PSME4: variants seen among roughly 807,000 people sequenced by gnomAD.
PSME4 encodes proteasome activator subunit 4, also known as proteasome activator complex subunit 4.
Under a neutral mutation model 253.9 loss-of-function variants are expected in PSME4, and 89 were observed. That is an observed-to-expected ratio of 0.35 (90% CI 0.30 to 0.42). The LOEUF is 0.42. PSME4 is among the 10% of genes least tolerant of loss of function. The pLI is 1.00. For synonymous variants in PSME4, 851 were observed against 759.2 expected (o/e 1.12, Z -1.99); for missense variants, 2,014 against 2,195.2 (o/e 0.92, Z 1.65).
At chr2:53,876,654 G>T (rs1679136139) in intron 41 of PSME4, among the ~76,000 whole-genome samples, 1 of 147,258 alleles carries the variant, frequency 6.8e-6, no homozygotes, top group Non-Finnish European at 1.5e-5. Context: ...AAGTAGATAA[G>T]AATTTTTAAA....
rs1668188339 is a variant in PSME4, at chr2:53,919,135, A to G, written c.2516+16T>C. ...TTAAAATATATGTTAAGTGGAAAAC[A>G]GTTATTTTTACTTACAAGTTAGTAA... is the stretch of plus-strand genomic sequence containing the variant. On this transcript the variant is annotated intron_variant, in intron 20 of 46. Coordinates refer to ENST00000404125, the MANE Select transcript of PSME4 (RefSeq NM_014614.3). The G allele has an allele frequency of 1.2e-6, 2 of 1,601,400 alleles. No individual in the cohort carries two copies. Among genetic ancestry groups the G allele is most frequent in the South Asian group, 1.1e-5 (1 of 88,496 alleles).
intron 20 of PSME4, among the ~76,000 whole-genome samples, chr2:53,918,211 A>T (rs1668143592): frequency 1.3e-5 from 2 of 152,156 alleles, no homozygotes; most frequent in Non-Finnish European, 2.9e-5. Flanking sequence ...ACTCATTTGA[A>T]TGTGATTTAC....
intron 29 of PSME4, 102 bp downstream of exon 29, chr2:53,899,779 C>A (rs1485205384): frequency 2.4e-5 from 33 of 1,394,838 alleles, no homozygotes; most frequent in Non-Finnish European, 2.7e-5. Flanking sequence ...GATCGTCTCA[C>A]TGTACTCCAG....
intron 1 of PSME4, among the ~76,000 whole-genome samples, chr2:53,966,152 G>A (rs1281390433): frequency 6.6e-6 from 1 of 152,032 alleles, no homozygotes; most frequent in Non-Finnish European, 1.5e-5. Flanking sequence ...AAGTGTGGTG[G>A]TACTCACCTG....
chr2:53,868,288 T>C (rs987348760), intron 44 of PSME4, among the ~76,000 whole-genome samples: 1 of 150,946 alleles, frequency 6.6e-6, no homozygotes, highest in Non-Finnish European at 1.5e-5. Flanking sequence ...GAAACTCTAC[T>C]AAAAATACAA....
At chr2:53,876,300 T>C (rs1489235562) in intron 41 of PSME4, among the ~76,000 whole-genome samples, 1 of 152,216 alleles carries the variant, frequency 6.6e-6, no homozygotes, top group Non-Finnish European at 1.5e-5. Context: ...CTGTATTTTT[T>C]TTCCTCAGGG....
intron 27 of PSME4, among the ~76,000 whole-genome samples, chr2:53,902,466 T>C (rs1041545586): frequency 6.6e-6 from 1 of 152,226 alleles, no homozygotes; most frequent in Admixed American, 6.5e-5. Context: ...GATTCCAATC[T>C]AGCTTATTAC....
intron 4 of PSME4, among the ~76,000 whole-genome samples, chr2:53,938,355 CTG>C (rs1156416019): frequency 6.6e-6 from 1 of 152,090 alleles, no homozygotes; most frequent in African/African-American, 2.4e-5. Context: ...TATTCCATAA[CTG>C]TATGATATGG....
intron 3 of PSME4, among the ~76,000 whole-genome samples, chr2:53,945,637 G>A (rs1039449259): frequency 6.6e-6 from 1 of 152,162 alleles, no homozygotes; most frequent in Non-Finnish European, 1.5e-5. Flanking sequence ...AAATCATGTT[G>A]AAACACATGC....
intron 8 of PSME4, 51 bp from the exon 9 acceptor site, chr2:53,932,811 A>G: frequency 7.3e-7 from 1 of 1,375,114 alleles, no homozygotes; most frequent in South Asian, 1.2e-5. Context: ...TACTGTAAAA[A>G]CAGAGGTCAA....
chr2:53,868,166 G>A (rs1167232500), intron 44 of PSME4, among the ~76,000 whole-genome samples: 1 of 151,876 alleles, frequency 6.6e-6, no homozygotes, highest in African/African-American at 2.4e-5. Flanking sequence ...TAAAAAAACA[G>A]AGTTCTCAGG....
rs1668539145 is a variant in PSME4 at position 53,925,973 on chromosome 2, T to C, written c.1644A>G (p.Leu548=). 2 of 1,613,222 alleles carry C rather than the reference T, an allele frequency of 1.2e-6. No homozygotes were observed. The highest frequency in any genetic ancestry group is 3.3e-5 in the Admixed American group (2 of 60,000). The change falls in exon 13 of 47, where the codon TTA becomes TTG. Residue 548 remains leucine (L), a synonymous_variant. Transcript: ENST00000404125. The part of the protein sequence containing the change: ...SATAEFEDFV[L]QFMDRCFGLI... ...TACAAGCTCACCTGTCCATAAACTG[T>C]AAGACGAAATCCTCAAATTCAGCTG... is the stretch of plus-strand genomic sequence containing the variant.
Position 53,923,115 on chromosome 2 carries a change from A to G in PSME4, c.1912T>C (p.Cys638Arg), listed in dbSNP as rs755504168. Residue 638 changes from cysteine to arginine, a missense_variant, in exon 16 of 47, where the codon TGC becomes CGC. By Grantham distance (180) the Cys-to-Arg change is radical. Around this residue, in one of 4 missense-constraint regions of PSME4, gnomAD observed 989 missense variants for 1,021.1 expected, o/e 0.97. Transcript: ENST00000404125. ...ADMCRAAVKCCPEESLKLFVP... is the reference protein window; with the variant it reads ...ADMCRAAVKCRPEESLKLFVP... ...AAGAGCTTCAAAGATTCTTCTGGGC[A>G]GCACTGAAAATGTATTTGTATAAGT... 6.2e-7 allele frequency: 1 copy of G among 1,604,674 alleles called. No homozygotes were observed.
chr2:53,867,501 GGAAAAAAAA>G (rs1422571688), intron 44 of PSME4, among the ~76,000 whole-genome samples: 1 of 113,442 alleles, frequency 8.8e-6, no homozygotes, highest in African/African-American at 3.4e-5. Flanking sequence ...TCCGTCTCAA[GGAAAAAAAA>G]AAAAAAAAAA....
At chr2:53,868,468 TA>T (rs1260558526) in intron 44 of PSME4, among the ~76,000 whole-genome samples, 8 of 99,956 alleles carry the variant, frequency 8.0e-5, no homozygotes, top group Non-Finnish European at 1.2e-4. Flanking sequence ...ATATATATTA[TA>T]AAATATATTT....
chr2:53,960,281 C>G (rs1670422705), intron 1 of PSME4, among the ~76,000 whole-genome samples: 1 of 151,984 alleles, frequency 6.6e-6, no homozygotes, highest in East Asian at 1.9e-4. Context: ...CGCCTGTAAT[C>G]CTAGCTTCTT....
chr2:53,934,373 C>G (rs1669005826), intron 8 of PSME4, among the ~76,000 whole-genome samples: 1 of 152,150 alleles, frequency 6.6e-6, no homozygotes. Flanking sequence ...GTGAATCCCT[C>G]AAAACCCTAG....
intron 42 of PSME4, 73 bp downstream of exon 42, chr2:53,875,554 C>A: frequency 1.4e-6 from 2 of 1,431,714 alleles, no homozygotes; most frequent in Admixed American, 4.3e-5. Context: ...GTGTGCACTG[C>A]AGCTGACTGA....
At chr2:53,967,382 T>C (rs893664596) in intron 1 of PSME4, among the ~76,000 whole-genome samples, 3 of 151,684 alleles carry the variant, frequency 2.0e-5, no homozygotes, top group African/African-American at 7.3e-5. Flanking sequence ...GCTGGGGCGG[T>C]GGCTCAGCCT....
Sources: gnomAD v4.1 joint callset for allele counts (sites outside exome capture counted in the v4.1 genomes callset) on GRCh38, gnomAD v4.1.1 for gene constraint, gnomAD v4.1.1 regional missense constraint, MANE v1.5 for transcripts, NCBI Gene and HGNC (gene_info 2026-07-23, HGNC 2026-07-21) for gene names.